The following IGF2 variants were observed in gnomAD, a reference collection of about 807,000 sequenced individuals.
IGF2 encodes the protein insulin-like growth factor 2.
A neutral mutation model predicts 12.0 loss-of-function variants in IGF2; 2 were observed. That is an observed-to-expected ratio of 0.17 (90% CI 0.07 to 0.52). The LOEUF is 0.52. IGF2 is among the 20% of genes least tolerant of loss of function. The pLI is 0.95. For synonymous variants in IGF2, 105 were observed against 110.1 expected (o/e 0.95, Z 0.29); for missense variants, 211 against 268.0 (o/e 0.79, Z 1.48).
the IGF2 span, chr11:2,147,529 C>T: frequency 1.1e-6 from 1 of 925,348 alleles, no homozygotes; most frequent in Non-Finnish European, 1.4e-6. The surrounding 1 kb of genome is among the most constrained non-coding windows in gnomAD (Gnocchi z 7.2). Context: ...AGCCTGTGGC[C>T]CTCTCTGCCA....
In IGF2 at chr11:2,133,150, C is replaced by T. The variant is rs1191719522; in HGVS notation, c.380G>A (p.Arg127His). The T allele has an allele frequency of 1.2e-6, 2 of 1,601,008 alleles. No individual in the cohort carries two copies. The highest frequency in any genetic ancestry group is 1.7e-6 in the Non-Finnish European group (2 of 1,173,128). ...ACGCAGGAGGGCAGGCAGGCCCCTG[C>T]GCAGGCGCTGGGTGGACTGCTTCCA... ...DTWKQSTQRL[R>H]RGLPALLRAR... is the part of the protein sequence containing the mutation. Residue 127 changes from arginine (R) to histidine (H), a missense_variant, in exon 4 of 4, where the codon CGC becomes CAC. Physicochemically the swap from Arg to His is conservative, Grantham distance 29. Coordinates refer to ENST00000416167, the MANE Select transcript of IGF2 (RefSeq NM_000612.6). The surrounding 1 kb of genome is among the most constrained non-coding windows in gnomAD (Gnocchi z 8.9).
chr11:2,145,432 C>G (rs546315420), upstream of IGF2, among the ~76,000 whole-genome samples: 1 of 152,242 alleles, frequency 6.6e-6, no homozygotes, highest in Non-Finnish European at 1.5e-5. Context: ...TTCTCCTCCA[C>G]GCCTGCTTCC....
In IGF2 at chr11:2,132,981, T is replaced by TTTTGC; in HGVS notation, c.*1_*5dup. 6.7e-7 allele frequency: 1 copy of TTTTGC among 1,498,926 alleles called. No homozygotes were observed. The highest frequency in any genetic ancestry group is 8.9e-7 in the Non-Finnish European group (1 of 1,121,268). The allele number at this position is 1,498,926 out of a possible 1,614,324, so 92.9% of individuals were successfully genotyped here. On this transcript the variant is annotated 3_prime_UTR_variant, in exon 4 of 4. Transcript: ENST00000416167. Reference sequence around the variant, plus strand: ...GCGCCGGGCTGCAGACTTGCGGCAGTTTTGCTCACTTCCGATTGCTGGCCA... The same window carrying TTTTGC: ...GCGCCGGGCTGCAGACTTGCGGCAGTTTTGCTTTGCTCACTTCCGATTGCTGGCCA...
chr11:2,148,783 C>G, the IGF2 span: 3 of 312,484 alleles, frequency 9.6e-6, no homozygotes, highest in Non-Finnish European at 1.8e-5. This position sits in a 1 kb window ranked among gnomAD's most constrained non-coding sequence, Gnocchi z 4.3. Flanking sequence ...CTTGTGAAGA[C>G]AGCTGTGTGT....
chr11:2,147,805 C>T, the IGF2 span: 7 of 1,247,176 alleles, frequency 5.6e-6, no homozygotes, highest in East Asian at 2.2e-4. This position sits in a 1 kb window ranked among gnomAD's most constrained non-coding sequence, Gnocchi z 7.2. Flanking sequence ...GACTCTTCGG[C>T]CCCTGGGGAA....
At chr11:2,142,634 G>C (rs17883195), upstream of IGF2, among the ~76,000 whole-genome samples, 1,525 of 152,232 alleles carry the variant, frequency 0.01, 33 homozygotes, top group African/African-American at 0.035. This position sits in a 1 kb window ranked among gnomAD's most constrained non-coding sequence, Gnocchi z 5.7. Flanking sequence ...GATCCTGGCC[G>C]TTGGGGTTTC....
At chr11:2,134,089 GC>G in intron 2 of IGF2, 1 of 482,368 alleles carries the variant, frequency 2.1e-6, no homozygotes, top group South Asian at 1.7e-5. Flanking sequence ...GGCTGGAGGG[GC>G]CCACACCACC....
chr11:2,142,221 C>A (rs1319618138), upstream of IGF2, among the ~76,000 whole-genome samples: 1 of 143,100 alleles, frequency 7.0e-6, no homozygotes, highest in Non-Finnish European at 1.5e-5. The surrounding 1 kb of genome is among the most constrained non-coding windows in gnomAD (Gnocchi z 5.7). Context: ...AAAAAAAAAA[C>A]CTCAATTGTT....
At chr11:2,146,770 T>TC in the IGF2 span, 374 of 223,742 alleles carry the variant, frequency 1.7e-3, 1 homozygote, top group Non-Finnish European at 2.1e-3. Context: ...GTACAGGGAC[T>TC]CCAATCCATG....
chr11:2,134,147 G>A (rs367649889), intron 2 of IGF2: 55 of 514,662 alleles, frequency 1.1e-4, no homozygotes, highest in African/African-American at 4.0e-5. Context: ...AGGAGAAGAC[G>A]GGAGGAGAGG....
chr11:2,136,520 G>C (rs1448469268), intron 1 of IGF2, among the ~76,000 whole-genome samples: 1 of 152,232 alleles, frequency 6.6e-6, no homozygotes, highest in African/African-American at 2.4e-5. Context: ...GTGGGAGGCC[G>C]GGAGCCACCA....
chr11:2,148,485 CAGG>C, the IGF2 span: 1 of 153,354 alleles, frequency 6.5e-6, no homozygotes, highest in Non-Finnish European at 1.5e-5. The surrounding 1 kb of genome is among the most constrained non-coding windows in gnomAD (Gnocchi z 4.3). Flanking sequence ...GGTGCGCCAT[CAGG>C]AGGAGAGAAG....
rs1859372628 is a variant in IGF2, at chr11:2,139,360, G to A, written c.-1138C>T. The A allele has an allele frequency of 6.7e-6, 1 of 148,398 alleles. No individual in the cohort carries two copies. The highest frequency in any genetic ancestry group is 2.1e-4 in the South Asian group (1 of 4,870). The allele number at this position is 148,398 out of a possible 1,614,324, so 9.2% of individuals were successfully genotyped here. A position where few individuals can be genotyped will look rare whatever the true frequency, so the allele number is the denominator to read the frequency against. On this transcript the variant is annotated 5_prime_UTR_variant, in exon 1 of 4. Transcript: ENST00000416167. Reference sequence around the variant, plus strand: ...GGAAGGGGGGGGCCGGGGCCGGCCGGGCCTCACGCAGCTCCGCCGGAGAGC... The same window carrying A: ...GGAAGGGGGGGGCCGGGGCCGGCCGAGCCTCACGCAGCTCCGCCGGAGAGC...
Position 2,132,351 on chromosome 11 carries a change from C to G in IGF2, c.*636G>C, listed in dbSNP as rs1219080667. 1 of 189,932 alleles carries G rather than the reference C, an allele frequency of 5.3e-6. No homozygotes were observed. Among genetic ancestry groups the G allele is most frequent in the East Asian group, 8.3e-5 (1 of 12,106 alleles). The allele number at this position is 189,932 out of a possible 1,614,324, so 11.8% of individuals were successfully genotyped here. On this transcript the variant is annotated 3_prime_UTR_variant, in exon 4 of 4. Transcript: ENST00000416167. Reference sequence around the variant, plus strand: ...ATGGCCAGTTTACCCTGAAAATTCCCGTGAGAAGGGAGATGGCGGTAGCAG... The same window carrying G: ...ATGGCCAGTTTACCCTGAAAATTCCGGTGAGAAGGGAGATGGCGGTAGCAG...
upstream of IGF2, among the ~76,000 whole-genome samples, chr11:2,139,609 G>T (rs1451250170): frequency 2.0e-5 from 3 of 149,102 alleles, no homozygotes; most frequent in East Asian, 2.0e-4. Flanking sequence ...GGGCTGGGGG[G>T]TGCGCGGGGG....
Position 2,139,100 on chromosome 11 carries a change from A to T in IGF2, c.-878T>A, listed in dbSNP as rs1257035641. ...ACAACGCCGGCGGCCTGCGAGCCGG[A>T]CTGCCTGCGGGGGGAACCGCCTCCT... On this transcript the variant is annotated 5_prime_UTR_variant, in exon 1 of 4. Transcript: ENST00000416167. 5.5e-6 allele frequency: 1 copy of T among 182,806 alleles called. No homozygotes were observed. Among genetic ancestry groups the T allele is most frequent in the East Asian group, 2.1e-4 (1 of 4,730 alleles). 11.3% of individuals were successfully genotyped at this position (182,806 alleles called of 1,614,324 possible).
chr11:2,132,995 G>T lies in IGF2; in HGVS notation c.535C>A (p.Arg179=). The change falls in exon 4 of 4, where the codon CGG becomes AGG. Residue 179 remains arginine (R), a synonymous_variant. Transcript: ENST00000416167. The stretch of plus-strand genomic sequence containing the variant: ...ACTTGCGGCAGTTTTGCTCACTTCC[G>T]ATTGCTGGCCATCTCTGGGGGGGCG... ...GGAPPEMASN[R]K 1 of 1,527,936 alleles carries T rather than the reference G, an allele frequency of 6.5e-7. No individual in the cohort carries two copies. Among genetic ancestry groups the T allele is most frequent in the Non-Finnish European group, 8.8e-7 (1 of 1,137,218 alleles). 94.6% of individuals were successfully genotyped at this position (1,527,936 alleles called of 1,614,324 possible).
upstream of IGF2, among the ~76,000 whole-genome samples, chr11:2,139,838 T>C (rs554784287): frequency 6.2e-4 from 93 of 149,248 alleles, no homozygotes; most frequent in African/African-American, 2.3e-3. Flanking sequence ...GCAGGTGGCT[T>C]GGGGCTGAGT....
upstream of IGF2, chr11:2,140,369 G>T: frequency 1.4e-6 from 2 of 1,391,440 alleles, no homozygotes; most frequent in South Asian, 1.3e-5. Flanking sequence ...ACAAAATCCC[G>T]CACCCCGCCA....
Sources: allele counts gnomAD v4.1 joint callset (sites outside exome capture counted in the v4.1 genomes callset), GRCh38; gene constraint gnomAD v4.1.1; non-coding constraint Gnocchi (gnomAD v3.1); transcripts MANE v1.5; gene names NCBI Gene and HGNC (gene_info 2026-07-23, HGNC 2026-07-21).